RXRG: variants seen among roughly 807,000 people sequenced by gnomAD.
RXRG encodes retinoic acid receptor RXR-gamma.
In RXRG, 19 loss-of-function variants were observed where a neutral mutation model predicts 49.2. The ratio of observed to expected loss-of-function variants is 0.39; its 90% CI spans 0.27 to 0.57. RXRG has a LOEUF of 0.57. Ranked by LOEUF, RXRG falls within the 20% of genes least tolerant of loss-of-function variation. The pLI is 0.64. For missense variants in RXRG, 452 were observed against 592.5 expected (o/e 0.76, Z 2.46); for synonymous variants, 224 against 216.6 (o/e 1.03, Z -0.30).
intron 1 of RXRG, among the ~76,000 whole-genome samples, chr1:165,439,099 A>T (rs912540621): frequency 6.6e-6 from 1 of 152,286 alleles, no homozygotes. Flanking sequence ...TTGTAATTTA[A>T]AAGTAATCTG....
chr1:165,414,662 T>C (rs1658071632), intron 4 of RXRG, among the ~76,000 whole-genome samples: 1 of 152,204 alleles, frequency 6.6e-6, no homozygotes, highest in South Asian at 2.1e-4. Context: ...GAAATACTTG[T>C]AGTCATTAGT....
chr1:165,442,066 T>C (rs1659024255), intron 1 of RXRG, among the ~76,000 whole-genome samples: 1 of 152,208 alleles, frequency 6.6e-6, no homozygotes, highest in Non-Finnish European at 1.5e-5. Flanking sequence ...ATACAAATCA[T>C]GGGGCCCTCT....
intron 2 of RXRG, among the ~76,000 whole-genome samples, chr1:165,420,661 T>C (rs572756948): frequency 1.3e-5 from 2 of 152,318 alleles, no homozygotes; most frequent in African/African-American, 4.8e-5. Flanking sequence ...TGTAAGTTAA[T>C]ATCAGCTCCC....
At chr1:165,428,612 G>T (rs1037224900) in intron 2 of RXRG, 107 bp downstream of exon 2, 1 of 1,325,478 alleles carries the variant, frequency 7.5e-7, no homozygotes, top group Non-Finnish European at 1.0e-6. Flanking sequence ...CAAACCCTTT[G>T]GCAAGCACGC....
intron 4 of RXRG, among the ~76,000 whole-genome samples, chr1:165,411,834 A>T (rs539639678): frequency 6.6e-5 from 10 of 152,314 alleles, no homozygotes; most frequent in Non-Finnish European, 1.2e-4. Flanking sequence ...ATACATTAGG[A>T]TTGAAAGCAG....
chr1:165,432,168 T>A (rs1372758078), intron 1 of RXRG, among the ~76,000 whole-genome samples: 1 of 152,334 alleles, frequency 6.6e-6, no homozygotes, highest in East Asian at 1.9e-4. Context: ...GTTGTTGTTA[T>A]CATTATTAAT....
intron 9 of RXRG, among the ~76,000 whole-genome samples, chr1:165,402,337 C>T (rs560074366): frequency 3.3e-5 from 5 of 152,208 alleles, no homozygotes; most frequent in Non-Finnish European, 5.9e-5. Context: ...CCACCCACCT[C>T]AGCCTCCCAA....
chr1:165,421,895 C>T (rs948852416), intron 2 of RXRG, among the ~76,000 whole-genome samples: 1 of 152,144 alleles, frequency 6.6e-6, no homozygotes, highest in Non-Finnish European at 1.5e-5. Context: ...AGAACCACTG[C>T]CATAGCGTGA....
At chr1:165,439,401 C>T (rs1658913984) in intron 1 of RXRG, among the ~76,000 whole-genome samples, 1 of 152,006 alleles carries the variant, frequency 6.6e-6, no homozygotes, top group Non-Finnish European at 1.5e-5. Context: ...CCACCCTGAG[C>T]AGCTCATCAG....
At chr1:165,439,683 A>C (rs1258599283) in intron 1 of RXRG, among the ~76,000 whole-genome samples, 5 of 152,226 alleles carry the variant, frequency 3.3e-5, no homozygotes, top group Non-Finnish European at 5.9e-5. Flanking sequence ...CATAGCAGAG[A>C]AGGTTTCCTT....
intron 1 of RXRG, among the ~76,000 whole-genome samples, chr1:165,443,428 C>T (rs2101752574): frequency 6.6e-6 from 1 of 152,262 alleles, no homozygotes. Context: ...AGATCAAATG[C>T]CCAGGTCACA....
chr1:165,411,070 T>G lies in RXRG; in HGVS notation c.662A>C (p.Glu221Ala). 5 of 1,614,170 alleles carry G rather than the reference T, an allele frequency of 3.1e-6. No individual in the cohort carries two copies. Among genetic ancestry groups the G allele is most frequent in the Non-Finnish European group, 3.4e-6 (4 of 1,180,014 alleles). Reference sequence around the variant, plus strand: ...ACTGGTAGCACATTCTGCCTCACTCTCAGCTCGCTCTCGGCTCCTCTGTCT... The same window carrying G: ...ACTGGTAGCACATTCTGCCTCACTCGCAGCTCGCTCTCGGCTCCTCTGTCT... ...EERQRSRERA[E>A]SEAECATSGH... Residue 221 changes from glutamate to alanine, a missense_variant, in exon 5 of 10, where the codon GAG (glutamate) becomes GCG (alanine). Around this residue, in one of 2 missense-constraint regions of RXRG, gnomAD observed 286 missense variants for 440.9 expected, o/e 0.65. Coordinates refer to ENST00000359842, the MANE Select transcript of RXRG (RefSeq NM_006917.5).
intron 8 of RXRG, 60 bp downstream of exon 8, chr1:165,408,167 G>T: frequency 7.9e-7 from 1 of 1,263,036 alleles, no homozygotes; most frequent in Non-Finnish European, 1.2e-6. Context: ...TGGGAGCACT[G>T]GAGGTTGACC....
chr1:165,441,897 C>T (rs538737783), intron 1 of RXRG, among the ~76,000 whole-genome samples: 120 of 152,304 alleles, frequency 7.9e-4, no homozygotes, highest in African/African-American at 2.6e-3. Context: ...GGAGATTGGG[C>T]ACCTTTGTGG....
intron 9 of RXRG, among the ~76,000 whole-genome samples, chr1:165,402,641 T>C (rs746126319): frequency 2.0e-5 from 3 of 151,670 alleles, no homozygotes; most frequent in Non-Finnish European, 4.4e-5. Flanking sequence ...TTCCCTTGCA[T>C]ACATGCACTT....
intron 9 of RXRG, among the ~76,000 whole-genome samples, chr1:165,403,664 C>T (rs796739057): frequency 2.6e-5 from 4 of 152,320 alleles, no homozygotes; most frequent in Middle Eastern, 3.4e-3. Flanking sequence ...AGGCTGAACT[C>T]CCGGCCGTGC....
At chr1:165,440,240 G>A (rs1263086822) in intron 1 of RXRG, among the ~76,000 whole-genome samples, 1 of 152,158 alleles carries the variant, frequency 6.6e-6, no homozygotes, top group Non-Finnish European at 1.5e-5. Flanking sequence ...TCATTTATTA[G>A]CCAAGTTCCC....
rs766520723 is a variant in RXRG at position 165,406,892 on chromosome 1, A to G, written c.1164T>C (p.Ser388=). The change falls in exon 9 of 10, where the codon TCT becomes TCC. Residue 388 remains serine, a synonymous_variant. Coordinates refer to ENST00000359842, the MANE Select transcript of RXRG (RefSeq NM_006917.5). The part of the protein sequence containing the change: ...NPDAKGLSNP[S]EVETLREKVY... ...CCTTCTCTCGCAGAGTCTCCACCTCAGAGGGGTTGGACAGGCCCTTGGCAT... is the reference window on the plus strand; with the variant it reads ...CCTTCTCTCGCAGAGTCTCCACCTCGGAGGGGTTGGACAGGCCCTTGGCAT... The G allele has an allele frequency of 6.2e-7, 1 of 1,613,868 alleles. No individual in the cohort carries two copies. Among genetic ancestry groups the G allele is most frequent in the South Asian group, 1.1e-5 (1 of 91,074 alleles).
rs758213066 is a variant in RXRG at position 165,401,221 on chromosome 1, C to T, written c.*42G>A. On this transcript the variant is annotated 3_prime_UTR_variant, in exon 10 of 10. Transcript: ENST00000359842. ...CAGGGTGGGGGTCCACACACACCTG[C>T]CCAGGGGTCATCCTGGGTGGGGAGG... 3.1e-6 allele frequency: 5 copies of T among 1,608,576 alleles called. No individual in the cohort carries two copies. Among genetic ancestry groups the T allele is most frequent in the Admixed American group, 3.3e-5 (2 of 59,820 alleles).
Sources: allele counts gnomAD v4.1 joint callset (sites outside exome capture counted in the v4.1 genomes callset), GRCh38; gene constraint gnomAD v4.1.1; regional missense constraint gnomAD v4.1.1; transcripts MANE v1.5; gene names NCBI Gene and HGNC (gene_info 2026-07-23, HGNC 2026-07-21).